Variants in CMIP observed in about 807,000 individuals in gnomAD.
CMIP encodes the protein C-Maf-inducing protein.
In CMIP, 13 loss-of-function variants were observed where a neutral mutation model predicts 97.3. The observed-to-expected ratio is 0.13, with a 90% CI of 0.09 to 0.21. The LOEUF (loss-of-function observed/expected upper bound fraction) is 0.21, where lower values mean the gene tolerates loss of function less well. Ranked by LOEUF, CMIP falls within the 10% of genes least tolerant of loss-of-function variation. The pLI, the probability that CMIP is intolerant of heterozygous loss-of-function variation, is 1.00. For missense variants in CMIP, 847 were observed against 1,024.9 expected, an observed-to-expected ratio of 0.83 and a Z score of 2.37; for synonymous variants, 538 against 436.3, an observed-to-expected ratio of 1.23 and a Z score of -2.91.
At chr16:81,481,495 A>G (rs756796320) in intron 1 of CMIP, among the ~76,000 whole-genome samples, 2 of 152,184 alleles carry the variant, frequency 1.3e-5, no homozygotes, top group Admixed American at 6.5e-5. Flanking sequence ...ACACTGACAG[A>G]TAATTATGAA....
intron 1 of CMIP, among the ~76,000 whole-genome samples, chr16:81,594,301 T>C (rs2091514987): frequency 6.6e-6 from 1 of 151,116 alleles, no homozygotes; most frequent in Admixed American, 6.6e-5. Flanking sequence ...TATTTTTTTG[T>C]AGAGACGGAG....
At chr16:81,686,977 C>T (rs1597250276) in intron 10 of CMIP, among the ~76,000 whole-genome samples, 1 of 151,980 alleles carries the variant, frequency 6.6e-6, no homozygotes, top group Non-Finnish European at 1.5e-5. Context: ...CTCTCTGCAG[C>T]GCCTCCCCAA....
At chr16:81,445,651 G>A in intron 1 of CMIP, 110 bp downstream of exon 1, 1 of 1,194,828 alleles carries the variant, frequency 8.4e-7, no homozygotes, top group Non-Finnish European at 1.1e-6. Flanking sequence ...GGGGGCGGTG[G>A]GGGGTGCCGG....
Position 81,616,514 on chromosome 16 carries a change from G to A in CMIP, c.427-4362G>A, listed in dbSNP as rs951735934. On this transcript the variant is annotated intron_variant, in intron 2 of 20. Transcript: ENST00000537098. This position sits in a 1 kb window ranked among gnomAD's most constrained non-coding sequence, Gnocchi z 4.7. ...GAGTAAGCACCCGTGGTCTGTGGTTGGTAGTGACATGCGTCATCGCACTTA... is the reference window on the plus strand; with the variant it reads ...GAGTAAGCACCCGTGGTCTGTGGTTAGTAGTGACATGCGTCATCGCACTTA... 2.6e-5 allele frequency among the ~76,000 whole-genome samples: 4 copies of A among 152,250 alleles called. No homozygotes were observed. Among genetic ancestry groups the A allele is most frequent in the Non-Finnish European group, 5.9e-5 (4 of 68,042 alleles).
intron 1 of CMIP, among the ~76,000 whole-genome samples, chr16:81,508,269 C>A (rs56000269): frequency 0.16 from 24,449 of 152,182 alleles, 2,801 homozygotes; most frequent in African/African-American, 0.33. Context: ...TTATCTCCTC[C>A]CCAGAGGCCA....
intron 1 of CMIP, among the ~76,000 whole-genome samples, chr16:81,604,770 A>C (rs533248405): frequency 6.6e-6 from 1 of 152,346 alleles, no homozygotes; most frequent in African/African-American, 2.4e-5. Flanking sequence ...CCTTGGTTGC[A>C]ACTTCAGATC....
At chr16:81,537,646 G>A (rs535462584) in intron 1 of CMIP, among the ~76,000 whole-genome samples, 16 of 150,754 alleles carry the variant, frequency 1.1e-4, no homozygotes, top group Non-Finnish European at 2.4e-4. Context: ...TGGGAGGATC[G>A]CTTAAGGCCA....
intron 3 of CMIP, among the ~76,000 whole-genome samples, chr16:81,638,930 C>T (rs1195838623): frequency 3.3e-5 from 5 of 152,326 alleles, no homozygotes; most frequent in South Asian, 4.1e-4. Context: ...CCGGCCCACC[C>T]GTGCAGGCTG....
intron 9 of CMIP, among the ~76,000 whole-genome samples, chr16:81,676,617 G>A (rs1159520679): frequency 2.0e-5 from 3 of 152,224 alleles, no homozygotes; most frequent in Non-Finnish European, 4.4e-5. Flanking sequence ...ATCAACGATA[G>A]AATTCTCGGA....
chr16:81,557,133 A>T (rs2090779152), intron 1 of CMIP, among the ~76,000 whole-genome samples: 1 of 152,246 alleles, frequency 6.6e-6, no homozygotes, highest in Admixed American at 6.5e-5. Context: ...GGGCTACCAG[A>T]ATCCTCTCTA....
At chr16:81,692,642 T>C (rs1567666606) in intron 11 of CMIP, among the ~76,000 whole-genome samples, 1 of 152,168 alleles carries the variant, frequency 6.6e-6, no homozygotes, top group Non-Finnish European at 1.5e-5. Flanking sequence ...CCCCAGTACT[T>C]GAGGCCGGAG....
At chr16:81,516,314 G>A (rs770693762) in intron 1 of CMIP, among the ~76,000 whole-genome samples, 3 of 152,268 alleles carry the variant, frequency 2.0e-5, no homozygotes, top group East Asian at 1.9e-4. Context: ...ATGGAATCGC[G>A]CTTCTCTCCC....
intron 1 of CMIP, among the ~76,000 whole-genome samples, chr16:81,561,316 G>T (rs957349684): frequency 6.6e-6 from 1 of 152,220 alleles, no homozygotes; most frequent in African/African-American, 2.4e-5. Context: ...GAGGGCAGAG[G>T]GATCTGAGGT....
intron 1 of CMIP, among the ~76,000 whole-genome samples, chr16:81,578,830 C>T (rs1326479734): frequency 6.6e-6 from 1 of 152,222 alleles, no homozygotes; most frequent in Non-Finnish European, 1.5e-5. Flanking sequence ...CGTGCCATTG[C>T]AGGGAAGCCT....
chr16:81,629,510 C>G (rs1187395741), intron 3 of CMIP, among the ~76,000 whole-genome samples: 5 of 152,252 alleles, frequency 3.3e-5, no homozygotes, highest in Non-Finnish European at 4.4e-5. Flanking sequence ...AACCCCACCC[C>G]ACCTCCGTTT....
intron 3 of CMIP, 27 bp downstream of exon 3, chr16:81,620,953 A>G: frequency 1.9e-6 from 3 of 1,613,186 alleles, no homozygotes; most frequent in Non-Finnish European, 1.7e-6. Context: ...TTGCTTGTTT[A>G]AAGCGACTCA....
chr16:81,530,748 C>G (rs2090217830), intron 1 of CMIP, among the ~76,000 whole-genome samples: 1 of 152,216 alleles, frequency 6.6e-6, no homozygotes, highest in South Asian at 2.1e-4. Context: ...AGCTTCGAGC[C>G]TCCTCCAGAT....
At chr16:81,552,278 G>A (rs934223548) in intron 1 of CMIP, among the ~76,000 whole-genome samples, 1 of 152,168 alleles carries the variant, frequency 6.6e-6, no homozygotes, top group African/African-American at 2.4e-5. Flanking sequence ...GCTGGCTGGT[G>A]GTTCCCGAGG....
Position 81,453,731 on chromosome 16 carries a change from A to C in CMIP, c.300+8190A>C, listed in dbSNP as rs1906376734. On this transcript the variant is annotated intron_variant, in intron 1 of 20. Coordinates refer to ENST00000537098, the MANE Select transcript of CMIP (RefSeq NM_198390.3). This position sits in a 1 kb window ranked among gnomAD's most constrained non-coding sequence, Gnocchi z 4.0. The stretch of plus-strand genomic sequence containing the variant: ...TGCAGCCCAGTTCTTGCAGTCCTGC[A>C]GGGGTCTCCCGAGGGTTCTGCCCCC... 6.6e-6 allele frequency among the ~76,000 whole-genome samples: 1 copy of C among 152,234 alleles called. No individual in the cohort carries two copies.
Sources: gnomAD v4.1 joint callset for allele counts (sites outside exome capture counted in the v4.1 genomes callset) on GRCh38, gnomAD v4.1.1 for gene constraint, Gnocchi (gnomAD v3.1) non-coding constraint, MANE v1.5 for transcripts, NCBI Gene and HGNC (gene_info 2026-07-23, HGNC 2026-07-21) for gene names.